S1PR1: variants seen among roughly 807,000 people sequenced by gnomAD.
S1PR1 encodes the protein sphingosine-1-phosphate receptor 1, also known as sphingosine 1-phosphate receptor 1.
A neutral mutation model predicts 18.3 loss-of-function variants in S1PR1; 2 were observed. The observed-to-expected ratio is 0.11, with a 90% CI of 0.04 to 0.34. The LOEUF (loss-of-function observed/expected upper bound fraction) is 0.34, where lower values mean the gene tolerates loss of function less well. S1PR1 is among the 10% of genes least tolerant of loss of function. S1PR1 has a pLI of 1.00. For synonymous variants in S1PR1, 222 were observed against 211.2 expected, an observed-to-expected ratio of 1.05 and a Z score of -0.44; for missense variants, 335 against 493.8, an observed-to-expected ratio of 0.68 and a Z score of 3.05.
chr1:101,238,937 G>A lies in S1PR1; in HGVS notation c.-48G>A, dbSNP rs150322985. 1,005 of 1,553,916 alleles carry A rather than the reference G, an allele frequency of 6.5e-4. 11 individuals carry two copies. The highest frequency in any genetic ancestry group is 6.4e-3 in the South Asian group (525 of 81,994). ...TCTCTCGCCTCGCCCTCTAGCGTTC[G>A]TCTGGAGTAGCGCCACCCCGGCTTC... On this transcript the variant is annotated 5_prime_UTR_variant, in exon 2 of 2. Coordinates refer to ENST00000305352, the MANE Select transcript of S1PR1 (RefSeq NM_001400.5).
In S1PR1 at chr1:101,239,623, T is replaced by G; in HGVS notation, c.639T>G (p.Leu213=). Residue 213 remains leucine (L), a synonymous_variant, in exon 2 of 2, where the codon CTT becomes CTG. Coordinates refer to ENST00000305352, the MANE Select transcript of S1PR1 (RefSeq NM_001400.5). The surrounding 1 kb of genome is among the most constrained non-coding windows in gnomAD (Gnocchi z 6.3). ...TCTGCACCACGGTCTTCACTCTGCT[T>G]CTGCTCTCCATCGTCATTCTGTACT... ...ILFCTTVFTL[L]LLSIVILYCR... The G allele has an allele frequency of 6.2e-7, 1 of 1,614,070 alleles. No homozygotes were observed.
chr1:101,241,213 T>C lies in S1PR1; in HGVS notation c.*1080T>C, dbSNP rs201363209. On this transcript the variant is annotated 3_prime_UTR_variant, in exon 2 of 2. Coordinates refer to ENST00000305352, the MANE Select transcript of S1PR1 (RefSeq NM_001400.5). ...ATTTTTCTAACCCGTGTTAACACCATTGAATGTGTATTTCTTAAGAAAATA... is the reference window on the plus strand; with the variant it reads ...ATTTTTCTAACCCGTGTTAACACCACTGAATGTGTATTTCTTAAGAAAATA... The C allele has an allele frequency of 3.0e-5, 5 of 167,252 alleles. No homozygotes were observed. Among genetic ancestry groups the C allele is most frequent in the Non-Finnish European group, 5.9e-5 (4 of 68,122 alleles). The allele number at this position is 167,252 out of a possible 1,614,324, so 10.4% of individuals were successfully genotyped here.
chr1:101,238,452 G>A (rs1191593855), intron 1 of S1PR1, among the ~76,000 whole-genome samples: 2 of 151,824 alleles, frequency 1.3e-5, no homozygotes, highest in Admixed American at 6.6e-5. Context: ...TGGTGAGAGG[G>A]CAGGAGTGGA....
Position 101,240,509 on chromosome 1 carries a change from T to C in S1PR1, c.*376T>C, listed in dbSNP as rs1205233085. ...TTTGTCTGGAGCTTTGAGGAGATGT[T>C]TTCCTTCACTTTAGTTTCAAACCCA... On this transcript the variant is annotated 3_prime_UTR_variant, in exon 2 of 2. Transcript: ENST00000305352. The C allele has an allele frequency of 3.9e-6, 1 of 257,900 alleles. No individual in the cohort carries two copies. The highest frequency in any genetic ancestry group is 2.2e-5 in the African/African-American group (1 of 44,518). 16.0% of individuals were successfully genotyped at this position (257,900 alleles called of 1,614,324 possible).
Position 101,239,992 on chromosome 1 carries a change from T to G in S1PR1, c.1008T>G (p.Ser336=). ...MSCCKCPSGD[S]AGKFKRPIIA... The stretch of plus-strand genomic sequence containing the variant: ...GCTGCAAGTGCCCGAGCGGAGACTC[T>G]GCTGGCAAATTCAAGCGACCCATCA... The change falls in exon 2 of 2, where the codon TCT becomes TCG. Residue 336 remains serine (S), a synonymous_variant. Transcript: ENST00000305352. The surrounding 1 kb of genome is among the most constrained non-coding windows in gnomAD (Gnocchi z 6.3). 6.2e-7 allele frequency: 1 copy of G among 1,614,130 alleles called. No homozygotes were observed.
rs960931835 is a variant in S1PR1 at position 101,241,109 on chromosome 1, C to A, written c.*976C>A. On this transcript the variant is annotated 3_prime_UTR_variant, in exon 2 of 2. Transcript: ENST00000305352. ...TTGTGTGATTCATTTCAAGCAACAA[C>A]ATGGTTGTATTTTGTTGTGTTAAAA... The A allele has an allele frequency of 9.6e-5, 16 of 167,082 alleles. No individual in the cohort carries two copies. Among genetic ancestry groups the A allele is most frequent in the African/African-American group, 3.4e-4 (14 of 41,428 alleles). 10.3% of individuals were successfully genotyped at this position (167,082 alleles called of 1,614,324 possible).
At chr1:101,242,236 TTGTAA>T (rs1190349480), downstream of S1PR1, among the ~76,000 whole-genome samples, 1 of 152,220 alleles carries the variant, frequency 6.6e-6, no homozygotes, top group Non-Finnish European at 1.5e-5. Context: ...CACAGACTTA[TTGTAA>T]TAGTTAATTC....
chr1:101,239,235 T>C lies in S1PR1; in HGVS notation c.251T>C (p.Ile84Thr). ...KKFHRPMYYF[I>T]GNLALSDLLA... The stretch of plus-strand genomic sequence containing the variant: ...TTCCACCGACCCATGTACTATTTTA[T>C]TGGCAATCTGGCCCTCTCAGACCTG... Residue 84 changes from isoleucine to threonine, a missense_variant, in exon 2 of 2, where the codon ATT (isoleucine) becomes ACT (threonine). Transcript: ENST00000305352. This position sits in a 1 kb window ranked among gnomAD's most constrained non-coding sequence, Gnocchi z 6.3. 6.2e-7 allele frequency: 1 copy of C among 1,614,228 alleles called. No individual in the cohort carries two copies.
At position 101,239,619 on chromosome 1, in the gene S1PR1, T is replaced by C. The variant is rs1652818744; in HGVS notation, c.635T>C (p.Leu212Pro). 1.9e-6 allele frequency: 3 copies of C among 1,614,140 alleles called. No individual in the cohort carries two copies. Among genetic ancestry groups the C allele is most frequent in the Non-Finnish European group, 2.5e-6 (3 of 1,180,038 alleles). ...YILFCTTVFT[L>P]LLLSIVILYC... Reference sequence around the variant, plus strand: ...CTCTTCTGCACCACGGTCTTCACTCTGCTTCTGCTCTCCATCGTCATTCTG... The same window carrying C: ...CTCTTCTGCACCACGGTCTTCACTCCGCTTCTGCTCTCCATCGTCATTCTG... Residue 212 changes from leucine (L) to proline (P), a missense_variant, in exon 2 of 2, where the codon CTG becomes CCG. Physicochemically the swap from Leu to Pro is moderately conservative, Grantham distance 98 (BLOSUM62 -3). Transcript: ENST00000305352. The surrounding 1 kb of genome is among the most constrained non-coding windows in gnomAD (Gnocchi z 6.3).
downstream of S1PR1, among the ~76,000 whole-genome samples, chr1:101,242,067 C>T (rs974166061): frequency 6.7e-6 from 1 of 150,200 alleles, no homozygotes; most frequent in Non-Finnish European, 1.5e-5. Flanking sequence ...TTCTGAACCA[C>T]ATAGAAGTAT....
chr1:101,239,756 G>GT lies in S1PR1; in HGVS notation c.773dup (p.Ile259AsnfsTer30). On this transcript the variant is annotated frameshift_variant, in exon 2 of 2. Transcript: ENST00000305352. LOFTEE classifies it high-confidence loss of function. The surrounding 1 kb of genome is among the most constrained non-coding windows in gnomAD (Gnocchi z 6.3). ...GAAGTCGCTGGCGCTGCTCAAGACC[G>GT]TAATTATCGTCCTGAGCGTCTTCAT... 6.2e-7 allele frequency: 1 copy of GT among 1,613,778 alleles called. No homozygotes were observed. The highest frequency in any genetic ancestry group is 8.5e-7 in the Non-Finnish European group (1 of 1,180,022).
Position 101,240,376 on chromosome 1 carries a change from C to T in S1PR1, c.*243C>T, listed in dbSNP as rs201617593. ...CCGGCCTGGAATATATTTTCTACCC[C>T]CCTGGAGCTTTGATTTTGCACTGAG... On this transcript the variant is annotated 3_prime_UTR_variant, in exon 2 of 2. Coordinates refer to ENST00000305352, the MANE Select transcript of S1PR1 (RefSeq NM_001400.5). 1 of 577,416 alleles carries T rather than the reference C, an allele frequency of 1.7e-6. No individual in the cohort carries two copies. Among genetic ancestry groups the T allele is most frequent in the Non-Finnish European group, 3.2e-6 (1 of 314,616 alleles). 35.8% of individuals were successfully genotyped at this position (577,416 alleles called of 1,614,324 possible). A position where few individuals can be genotyped will look rare whatever the true frequency, so the allele number is the denominator to read the frequency against.
intron 1 of S1PR1, among the ~76,000 whole-genome samples, chr1:101,237,815 A>G (rs1359995566): frequency 6.6e-6 from 1 of 152,198 alleles, no homozygotes; most frequent in Non-Finnish European, 1.5e-5. Context: ...ATGTGGTAGC[A>G]TGTATTATGG....
rs1652800074 is a variant in S1PR1, at chr1:101,238,977, T to G, written c.-8T>G. ...ACCCCGGCTTCCTGGGGACACAGGG[T>G]TGGCACCATGGGGCCCACCAGCGTC... On this transcript the variant is annotated 5_prime_UTR_variant, in exon 2 of 2. Transcript: ENST00000305352. 6.2e-7 allele frequency: 1 copy of G among 1,609,120 alleles called. No individual in the cohort carries two copies. Among genetic ancestry groups the G allele is most frequent in the African/African-American group, 1.3e-5 (1 of 74,830 alleles).
Position 101,239,837 on chromosome 1 carries a change from A to G in S1PR1, c.853A>G (p.Lys285Glu). 6.2e-7 allele frequency: 1 copy of G among 1,613,652 alleles called. No individual in the cohort carries two copies. Among genetic ancestry groups the G allele is most frequent in the Non-Finnish European group, 8.5e-7 (1 of 1,180,014 alleles). The change falls in exon 2 of 2, where the codon AAG becomes GAG. Residue 285 changes from lysine to glutamate, a missense_variant. Physicochemically the swap from Lys to Glu is moderately conservative, Grantham distance 56. Around this residue, in one of 3 missense-constraint regions of S1PR1, gnomAD observed 214 missense variants for 366.6 expected, o/e 0.58. Coordinates refer to ENST00000305352, the MANE Select transcript of S1PR1 (RefSeq NM_001400.5). This position sits in a 1 kb window ranked among gnomAD's most constrained non-coding sequence, Gnocchi z 6.3. Reference sequence around the variant, plus strand: ...CCTGCTGGATGTGGGCTGCAAGGTGAAGACCTGTGACATCCTCTTCAGAGC... The same window carrying G: ...CCTGCTGGATGTGGGCTGCAAGGTGGAGACCTGTGACATCCTCTTCAGAGC... ...LLLLDVGCKV[K>E]TCDILFRAEY...
rs776570130 is a variant in S1PR1 at position 101,239,854 on chromosome 1, C to G, written c.870C>G (p.Leu290=). The G allele has an allele frequency of 4.3e-6, 7 of 1,613,682 alleles. No individual in the cohort carries two copies. Among genetic ancestry groups the G allele is most frequent in the Non-Finnish European group, 5.9e-6 (7 of 1,180,050 alleles). ...VGCKVKTCDI[L]FRAEYFLVLA... ...GCAAGGTGAAGACCTGTGACATCCTCTTCAGAGCGGAGTACTTCCTGGTGT... is the reference window on the plus strand; with the variant it reads ...GCAAGGTGAAGACCTGTGACATCCTGTTCAGAGCGGAGTACTTCCTGGTGT... The change falls in exon 2 of 2, where the codon CTC becomes CTG. Residue 290 remains leucine, a synonymous_variant. Transcript: ENST00000305352. The surrounding 1 kb of genome is among the most constrained non-coding windows in gnomAD (Gnocchi z 6.3).
In S1PR1 at chr1:101,239,664, T is replaced by C; in HGVS notation, c.680T>C (p.Leu227Ser). The C allele has an allele frequency of 1.2e-6, 2 of 1,614,104 alleles. No individual in the cohort carries two copies. Among genetic ancestry groups the C allele is most frequent in the Non-Finnish European group, 1.7e-6 (2 of 1,180,024 alleles). The change falls in exon 2 of 2, where the codon TTG becomes TCG. Residue 227 changes from leucine (L) to serine (S), a missense_variant. Around this residue, in one of 3 missense-constraint regions of S1PR1, gnomAD observed 214 missense variants for 366.6 expected, o/e 0.58. Coordinates refer to ENST00000305352, the MANE Select transcript of S1PR1 (RefSeq NM_001400.5). The surrounding 1 kb of genome is among the most constrained non-coding windows in gnomAD (Gnocchi z 6.3). ...ATTCTGTACTGCAGAATCTACTCCT[T>C]GGTCAGGACTCGGAGCCGCCGCCTG... ...IVILYCRIYS[L>S]VRTRSRRLTF...
rs200784067 is a variant in S1PR1, at chr1:101,240,164, T to C, written c.*31T>C. 2.6e-4 allele frequency: 423 copies of C among 1,610,978 alleles called. 4 individuals carry two copies. In the South Asian group the frequency reaches 4.4e-3, roughly 17 times the overall value. On this transcript the variant is annotated 3_prime_UTR_variant, in exon 2 of 2. Coordinates refer to ENST00000305352, the MANE Select transcript of S1PR1 (RefSeq NM_001400.5). ...GAAGCTGTCCACCCACCGGAAGCGC[T>C]CTTTACTTGGTCGCTGGCCACCCCA...
At chr1:101,241,589 A>G (rs903079049), downstream of S1PR1, 2 of 164,320 alleles carry the variant, frequency 1.2e-5, no homozygotes, top group Admixed American at 1.3e-4. Context: ...CTTTGGAATC[A>G]AAGTGAAGGA....
Sources: allele counts gnomAD v4.1 joint callset (sites outside exome capture counted in the v4.1 genomes callset), GRCh38; gene constraint gnomAD v4.1.1; regional missense constraint gnomAD v4.1.1; non-coding constraint Gnocchi (gnomAD v3.1); transcripts MANE v1.5; gene names NCBI Gene and HGNC (gene_info 2026-07-23, HGNC 2026-07-21).